The following GPM6A variants were observed in gnomAD, a reference collection of about 807,000 sequenced individuals.
GPM6A encodes glycoprotein M6A, also known as neuronal membrane glycoprotein M6-a.
Under a neutral mutation model 32.1 loss-of-function variants are expected in GPM6A, and 7 were observed. The ratio of observed to expected loss-of-function variants is 0.22; its 90% CI spans 0.12 to 0.41. The LOEUF (loss-of-function observed/expected upper bound fraction) is 0.41. Among genes scored for constraint, GPM6A ranks in the 10% least tolerant of loss-of-function variants. The pLI is 1.00. For synonymous variants in GPM6A, 130 were observed against 123.4 expected (o/e 1.05, Z -0.35); for missense variants, 235 against 347.2 (o/e 0.68, Z 2.57).
chr4:175,752,277 G>T (rs1359684963), intron 1 of GPM6A, among the ~76,000 whole-genome samples: 1 of 152,048 alleles, frequency 6.6e-6, no homozygotes, highest in Non-Finnish European at 1.5e-5. Context: ...CCTGTTCTTT[G>T]TGGAGCTCTT....
At chr4:175,649,021 T>C (rs546437477) in intron 4 of GPM6A, among the ~76,000 whole-genome samples, 1 of 152,218 alleles carries the variant, frequency 6.6e-6, no homozygotes, top group African/African-American at 2.4e-5. Flanking sequence ...AAGATTATAG[T>C]TGAAAAAAGC....
At chr4:175,973,791 C>A (rs1740576368) in intron 1 of GPM6A, among the ~76,000 whole-genome samples, 1 of 152,162 alleles carries the variant, frequency 6.6e-6, no homozygotes, top group Admixed American at 6.5e-5. Context: ...ACTCTCATTA[C>A]TCTGGTACAC....
chr4:175,873,320 T>C (rs1736971822), intron 1 of GPM6A, among the ~76,000 whole-genome samples: 1 of 151,582 alleles, frequency 6.6e-6, no homozygotes, highest in African/African-American at 2.4e-5. Flanking sequence ...AAGTGCCTTG[T>C]GAAAAAAAAA....
At chr4:175,683,067 G>T (rs781750346) in intron 2 of GPM6A, among the ~76,000 whole-genome samples, 2 of 152,192 alleles carry the variant, frequency 1.3e-5, no homozygotes, top group Non-Finnish European at 2.9e-5. Flanking sequence ...TCCTGTGAGA[G>T]CAGCCACAGG....
At chr4:175,673,909 C>A in intron 2 of GPM6A, 73 bp from the exon 3 acceptor site, 1 of 928,004 alleles carries the variant, frequency 1.1e-6, no homozygotes. Context: ...TTCTCACATG[C>A]TCATGATTCT....
chr4:175,962,759 C>G (rs1267756259), intron 1 of GPM6A, among the ~76,000 whole-genome samples: 1 of 152,120 alleles, frequency 6.6e-6, no homozygotes, highest in Non-Finnish European at 1.5e-5. Flanking sequence ...TACCCAGTGT[C>G]TAATGTCCTA....
chr4:175,663,649 AC>A (rs2110953489), intron 3 of GPM6A, among the ~76,000 whole-genome samples: 1 of 152,024 alleles, frequency 6.6e-6, no homozygotes, highest in South Asian at 2.1e-4. Flanking sequence ...TACAACTTTT[AC>A]TTGTCAATTT....
intron 1 of GPM6A, chr4:175,872,783 G>GATTTAT (rs1217806430): frequency 6.6e-6 from 1 of 152,148 alleles, no homozygotes; most frequent in Non-Finnish European, 1.5e-5. Flanking sequence ...AAATTAACAT[G>GATTTAT]TAGACAGATG....
chr4:175,745,278 G>C (rs111560185), intron 1 of GPM6A, among the ~76,000 whole-genome samples: 2 of 152,152 alleles, frequency 1.3e-5, no homozygotes, highest in African/African-American at 4.8e-5. Context: ...GGAGACCTGA[G>C]AATATTATTC....
chr4:175,967,517 A>G (rs1307653370), intron 1 of GPM6A, among the ~76,000 whole-genome samples: 1 of 152,192 alleles, frequency 6.6e-6, no homozygotes, highest in Non-Finnish European at 1.5e-5. Flanking sequence ...AATTGTCTAC[A>G]TGGGAAATCT....
intron 1 of GPM6A, among the ~76,000 whole-genome samples, chr4:175,828,724 T>G (rs1462191368): frequency 1.3e-5 from 2 of 152,132 alleles, no homozygotes; most frequent in African/African-American, 4.8e-5. Context: ...AGGCAGTAAT[T>G]ATAAGTAGAC....
chr4:175,807,550 C>A (rs191377359), intron 1 of GPM6A: 10 of 152,296 alleles, frequency 6.6e-5, no homozygotes, highest in African/African-American at 2.2e-4. Flanking sequence ...TGAGAGTCAT[C>A]TTTTCCCCGT....
At chr4:175,674,887 C>G (rs189785879) in intron 2 of GPM6A, among the ~76,000 whole-genome samples, 226 of 151,272 alleles carry the variant, frequency 1.5e-3, no homozygotes, top group African/African-American at 5.2e-3. Flanking sequence ...AATTGATTAC[C>G]CAGTTTTGCT....
chr4:175,638,849 G>A (rs1157406512), intron 6 of GPM6A, among the ~76,000 whole-genome samples: 2 of 152,084 alleles, frequency 1.3e-5, no homozygotes, highest in East Asian at 1.9e-4. Flanking sequence ...CAACCAGCAT[G>A]TTTTCTCCTA....
intron 1 of GPM6A, among the ~76,000 whole-genome samples, chr4:175,845,767 C>T (rs1736068563): frequency 6.6e-6 from 1 of 152,052 alleles, no homozygotes; most frequent in East Asian, 1.9e-4. Context: ...TTTCATAATT[C>T]AAGAGCTCTC....
intron 1 of GPM6A, among the ~76,000 whole-genome samples, chr4:175,985,172 T>C (rs1740936991): frequency 6.6e-6 from 1 of 152,198 alleles, no homozygotes; most frequent in Non-Finnish European, 1.5e-5. Context: ...TTTGAAAATA[T>C]ATGTATATCT....
intron 1 of GPM6A, among the ~76,000 whole-genome samples, chr4:175,780,559 A>T (rs1733579240): frequency 6.6e-6 from 1 of 152,232 alleles, no homozygotes; most frequent in Non-Finnish European, 1.5e-5. Flanking sequence ...AGTGCGTCAC[A>T]TTCAACACAT....
At position 175,759,436 on chromosome 4, in the gene GPM6A, T is replaced by G. The variant is rs982091726; in HGVS notation, c.37+52755A>C. On this transcript the variant is annotated intron_variant, in intron 1 of 6. Coordinates refer to ENST00000393658, the MANE Select transcript of GPM6A (RefSeq NM_201591.3). ...AAATTTTCTTTACCCTTTTTCTCCC[T>G]TTTGTACATAGCTTGCTAAATAATT... 4.6e-5 allele frequency among the ~76,000 whole-genome samples: 7 copies of G among 152,220 alleles called. 1 individual carries two copies. The highest frequency in any genetic ancestry group is 1.7e-4 in the African/African-American group (7 of 41,474).
chr4:175,896,044 T>C (rs1254540923), intron 1 of GPM6A, among the ~76,000 whole-genome samples: 2 of 152,336 alleles, frequency 1.3e-5, no homozygotes, highest in South Asian at 2.1e-4. Flanking sequence ...TTGTAGTAGC[T>C]TTGTAAATAA....
Sources: allele counts gnomAD v4.1 joint callset (sites outside exome capture counted in the v4.1 genomes callset), GRCh38; gene constraint gnomAD v4.1.1; transcripts MANE v1.5; gene names NCBI Gene and HGNC (gene_info 2026-07-23, HGNC 2026-07-21).